ZDHHC14: variants seen among roughly 807,000 people sequenced by gnomAD.
The protein encoded by ZDHHC14 is zDHHC palmitoyltransferase 14, also known as palmitoyltransferase ZDHHC14.
Under a neutral mutation model 47.7 loss-of-function variants are expected in ZDHHC14, and 16 were observed. That is an observed-to-expected ratio of 0.34 (90% confidence interval 0.23 to 0.51). ZDHHC14 has a LOEUF of 0.51. Ranked by LOEUF, ZDHHC14 falls within the 20% of genes least tolerant of loss-of-function variation. The probability of loss-of-function intolerance (pLI) is 0.97; values close to 1 mark genes in which losing one functional copy is unlikely to be tolerated. For synonymous variants in ZDHHC14, 293 were observed against 278.9 expected, an observed-to-expected ratio of 1.05 and a Z score of -0.50; for missense variants, 515 against 662.5, an observed-to-expected ratio of 0.78 and a Z score of 2.44.
chr6:157,514,293 G>A (rs1034861762), intron 1 of ZDHHC14, among the ~76,000 whole-genome samples: 1 of 152,166 alleles, frequency 6.6e-6, no homozygotes, highest in Non-Finnish European at 1.5e-5. Flanking sequence ...ACACTGTACC[G>A]TCACTCCCCT....
chr6:157,542,037 T>C (rs1272242256), intron 1 of ZDHHC14, among the ~76,000 whole-genome samples: 1 of 152,230 alleles, frequency 6.6e-6, no homozygotes, highest in Non-Finnish European at 1.5e-5. Context: ...CACTTTGGAA[T>C]AGATTACCTC....
At chr6:157,554,034 T>C (rs1164209839) in intron 2 of ZDHHC14, among the ~76,000 whole-genome samples, 3 of 152,200 alleles carry the variant, frequency 2.0e-5, no homozygotes, top group African/African-American at 7.2e-5. Context: ...CTGACATAGA[T>C]AGACAGAAGC....
intron 4 of ZDHHC14, chr6:157,630,412 A>G (rs142176088): frequency 0.063 from 9,629 of 152,088 alleles, 618 homozygotes; most frequent in African/African-American, 0.16. Flanking sequence ...TCATATACCT[A>G]AACTCAGGGA....
chr6:157,461,456 C>G (rs910968268), intron 1 of ZDHHC14, among the ~76,000 whole-genome samples: 2 of 152,200 alleles, frequency 1.3e-5, no homozygotes, highest in African/African-American at 4.8e-5. Flanking sequence ...TGGAACTTTG[C>G]TTTCCTGAAC....
intron 5 of ZDHHC14, among the ~76,000 whole-genome samples, chr6:157,644,497 T>G (rs1583064682): frequency 6.6e-6 from 1 of 152,182 alleles, no homozygotes; most frequent in East Asian, 1.9e-4. Flanking sequence ...AGTGGTTTAG[T>G]GCGATGTTGA....
chr6:157,623,709 C>G (rs574286727), intron 3 of ZDHHC14, among the ~76,000 whole-genome samples: 1 of 152,080 alleles, frequency 6.6e-6, no homozygotes, highest in African/African-American at 2.4e-5. Flanking sequence ...ACCACCACAC[C>G]CAGCTAATTT....
chr6:157,458,670 C>CAT (rs1200675848), intron 1 of ZDHHC14, among the ~76,000 whole-genome samples: 2 of 152,008 alleles, frequency 1.3e-5, no homozygotes, highest in African/African-American at 4.8e-5. Flanking sequence ...GGTCTGCAAA[C>CAT]AATGAGTGGC....
intron 2 of ZDHHC14, among the ~76,000 whole-genome samples, chr6:157,555,394 G>C (rs1300590009): frequency 6.6e-6 from 1 of 152,164 alleles, no homozygotes; most frequent in African/African-American, 2.4e-5. Flanking sequence ...ACAAACTTTT[G>C]GTTGGTGACT....
intron 1 of ZDHHC14, among the ~76,000 whole-genome samples, chr6:157,479,726 C>T (rs1284725290): frequency 6.6e-6 from 1 of 152,226 alleles, no homozygotes; most frequent in Non-Finnish European, 1.5e-5. Context: ...GGAAAGAATT[C>T]ACTCGATATG....
intron 2 of ZDHHC14, among the ~76,000 whole-genome samples, chr6:157,552,672 A>G (rs1476614458): frequency 6.6e-6 from 1 of 152,140 alleles, no homozygotes; most frequent in Non-Finnish European, 1.5e-5. Context: ...CGGCATGGAA[A>G]AGAGTCCCAG....
rs527779344 is a variant in ZDHHC14, at chr6:157,583,183, C to CT, written c.407-9799dup. 3.3e-5 allele frequency among the ~76,000 whole-genome samples: 5 copies of CT among 152,128 alleles called. No individual in the cohort carries two copies. The South Asian group carries it at 8.3e-4, about 25-fold the overall frequency. Reference sequence around the variant, plus strand: ...CAACTTTCTCCTAAATCTCAATCATCTTTTTTGCTATCCATACTCTGAATT... The same window carrying CT: ...CAACTTTCTCCTAAATCTCAATCATCTTTTTTTGCTATCCATACTCTGAATT... On this transcript the variant is annotated intron_variant, in intron 2 of 8. Coordinates refer to ENST00000359775, the MANE Select transcript of ZDHHC14 (RefSeq NM_024630.3).
In ZDHHC14 at chr6:157,454,010, T is replaced by G. The variant is rs867111716; in HGVS notation, c.245+71744T>G. On this transcript the variant is annotated intron_variant, in intron 1 of 8. Coordinates refer to ENST00000359775, the MANE Select transcript of ZDHHC14 (RefSeq NM_024630.3). ...TAGGTTGAGATTTGGCTGTGACCAA[T>G]AGGAAAAATATTATTTTCATAGACA... Among the ~76,000 whole-genome samples the G allele has an allele frequency of 4.6e-5, 7 of 152,282 alleles. No individual in the cohort carries two copies. In the Middle Eastern group the frequency reaches 0.01, roughly 222 times the overall value.
At chr6:157,447,326 G>A (rs370686329) in intron 1 of ZDHHC14, among the ~76,000 whole-genome samples, 1 of 152,174 alleles carries the variant, frequency 6.6e-6, no homozygotes, top group Non-Finnish European at 1.5e-5. Context: ...AGGGTCAAGT[G>A]GGGGCACCTC....
intron 1 of ZDHHC14, among the ~76,000 whole-genome samples, chr6:157,510,775 G>C (rs1780446617): frequency 6.6e-6 from 1 of 152,198 alleles, no homozygotes; most frequent in South Asian, 2.1e-4. Flanking sequence ...TTCCCAGCAA[G>C]GGGGGCGTTC....
chr6:157,599,243 G>A (rs1431610348), intron 3 of ZDHHC14, among the ~76,000 whole-genome samples: 2 of 152,250 alleles, frequency 1.3e-5, no homozygotes, highest in Non-Finnish European at 2.9e-5. Flanking sequence ...GGAGAATGAG[G>A]CTCAGAAACC....
chr6:157,482,642 G>A lies in ZDHHC14; in HGVS notation c.246-59943G>A, dbSNP rs1304749704. 2.0e-5 allele frequency among the ~76,000 whole-genome samples: 3 copies of A among 152,066 alleles called. No individual in the cohort carries two copies. In the East Asian group the frequency reaches 5.8e-4, roughly 29 times the overall value. On this transcript the variant is annotated intron_variant, in intron 1 of 8. Transcript: ENST00000359775. The stretch of plus-strand genomic sequence containing the variant: ...AACACTGTCTTCACAGCCTGTCCAG[G>A]CCCCAGCTTAATTGGTCTGAATTGT...
chr6:157,610,458 A>G (rs983916228), intron 3 of ZDHHC14, among the ~76,000 whole-genome samples: 2 of 152,112 alleles, frequency 1.3e-5, no homozygotes, highest in Non-Finnish European at 2.9e-5. Flanking sequence ...AAAAGAATCT[A>G]CACCTGAAGT....
At chr6:157,507,181 C>T (rs969415677) in intron 1 of ZDHHC14, among the ~76,000 whole-genome samples, 2 of 151,990 alleles carry the variant, frequency 1.3e-5, no homozygotes, top group African/African-American at 4.8e-5. Flanking sequence ...TTATTAAATC[C>T]ATATCCAGAT....
At chr6:157,585,275 C>G (rs555575372) in intron 2 of ZDHHC14, among the ~76,000 whole-genome samples, 1 of 152,170 alleles carries the variant, frequency 6.6e-6, no homozygotes, top group South Asian at 2.1e-4. Flanking sequence ...GGTTTTCCCC[C>G]CAAAATTCTA....
Sources: gnomAD v4.1 joint callset for allele counts (sites outside exome capture counted in the v4.1 genomes callset) on GRCh38, gnomAD v4.1.1 for gene constraint, MANE v1.5 for transcripts, NCBI Gene and HGNC (gene_info 2026-07-23, HGNC 2026-07-21) for gene names.